OPCML: variants seen among roughly 807,000 people sequenced by gnomAD.
OPCML encodes the protein opioid binding protein/cell adhesion molecule like.
In OPCML, 13 loss-of-function variants were observed where a neutral mutation model predicts 37.8. That is an observed-to-expected ratio of 0.34 (90% CI 0.22 to 0.55). The LOEUF (loss-of-function observed/expected upper bound fraction) is 0.55. OPCML is among the 20% of genes least tolerant of loss of function. The probability of loss-of-function intolerance (pLI) is 0.91; values close to 1 mark genes in which losing one functional copy is unlikely to be tolerated. For synonymous variants in OPCML, 176 were observed against 168.8 expected (o/e 1.04, Z -0.33); for missense variants, 341 against 435.6 (o/e 0.78, Z 1.93).
intron 4 of OPCML, among the ~76,000 whole-genome samples, chr11:132,450,758 C>A (rs1359595684): frequency 6.6e-6 from 1 of 152,068 alleles, no homozygotes; most frequent in African/African-American, 2.4e-5. Context: ...CCTTCCTCAC[C>A]ATTGAGGAAG....
intron 3 of OPCML, among the ~76,000 whole-genome samples, chr11:132,600,519 T>C (rs1411785509): frequency 1.3e-5 from 2 of 152,184 alleles, no homozygotes; most frequent in African/African-American, 2.4e-5. Context: ...TGCAACAAAT[T>C]TGTCTTCCAA....
At chr11:133,241,604 C>T (rs566069268) in intron 1 of OPCML, among the ~76,000 whole-genome samples, 3 of 152,338 alleles carry the variant, frequency 2.0e-5, no homozygotes, top group South Asian at 2.1e-4. Context: ...AACTAGCCTT[C>T]GCTCACATTT....
intron 1 of OPCML, among the ~76,000 whole-genome samples, chr11:133,270,600 T>C (rs994561475): frequency 6.6e-6 from 1 of 152,214 alleles, no homozygotes; most frequent in African/African-American, 2.4e-5. Context: ...CAATTTCTTG[T>C]TCAATTCAAC....
At chr11:132,628,513 C>T (rs1396735856) in intron 3 of OPCML, among the ~76,000 whole-genome samples, 2 of 152,212 alleles carry the variant, frequency 1.3e-5, no homozygotes, top group South Asian at 2.1e-4. Flanking sequence ...TAGGAAAGGA[C>T]TCACCTGTAA....
At chr11:133,531,737 T>C (rs1005198711) in intron 1 of OPCML, among the ~76,000 whole-genome samples, 2 of 90,132 alleles carry the variant, frequency 2.2e-5, no homozygotes, top group African/African-American at 8.8e-5. Context: ...TGGGGAGAGG[T>C]GGAGAGGGAG....
At chr11:133,484,786 T>C (rs1364343423) in intron 1 of OPCML, among the ~76,000 whole-genome samples, 1 of 152,122 alleles carries the variant, frequency 6.6e-6, no homozygotes, top group East Asian at 1.9e-4. Flanking sequence ...CTATCAAAGA[T>C]TTATCAATGA....
chr11:133,061,753 T>C (rs543366316), intron 1 of OPCML, among the ~76,000 whole-genome samples: 7 of 152,364 alleles, frequency 4.6e-5, no homozygotes, highest in Admixed American at 4.6e-4. Flanking sequence ...TTTATTTTAA[T>C]GTGCTATGCA....
At position 133,418,196 on chromosome 11, in the gene OPCML, G is replaced by A. The variant is rs1207206523; in HGVS notation, c.61+114068C>T. 12 of 985,236 alleles carry A rather than the reference G, an allele frequency of 1.2e-5. No individual in the cohort carries two copies. The South Asian group carries it at 5.2e-4, about 42-fold the overall frequency. 61.0% of individuals were successfully genotyped at this position (985,236 alleles called of 1,614,324 possible). On this transcript the variant is annotated intron_variant, in intron 1 of 7. Transcript: ENST00000524381. ...GCCTGTCTGCCATGGCAGGGTCTTC[G>A]GGTTTCCACCTGATAGGTGTGGTGA...
At chr11:132,674,139 A>G (rs2135826571) in intron 2 of OPCML, among the ~76,000 whole-genome samples, 1 of 152,344 alleles carries the variant, frequency 6.6e-6, no homozygotes, top group Non-Finnish European at 1.5e-5. Flanking sequence ...GTGGCTAATT[A>G]AGAACAAAGC....
intron 2 of OPCML, among the ~76,000 whole-genome samples, chr11:132,766,919 TTAACA>T (rs1458655434): frequency 6.6e-6 from 1 of 152,232 alleles, no homozygotes; most frequent in Non-Finnish European, 1.5e-5. Context: ...TATCTTGTTC[TTAACA>T]TAAACACATG....
chr11:133,347,829 G>C (rs1260015500), intron 1 of OPCML, among the ~76,000 whole-genome samples: 1 of 152,144 alleles, frequency 6.6e-6, no homozygotes, highest in Non-Finnish European at 1.5e-5. Context: ...GATGAGACAA[G>C]AAAGAATGAT....
In OPCML at chr11:132,420,161, C is replaced by A. The variant is rs759712513; in HGVS notation, c.*32G>T. 2.5e-6 allele frequency: 4 copies of A among 1,589,560 alleles called. No homozygotes were observed. Among genetic ancestry groups the A allele is most frequent in the East Asian group, 4.5e-5 (2 of 44,672 alleles). On this transcript the variant is annotated 3_prime_UTR_variant, in exon 8 of 8. Coordinates refer to ENST00000524381, the MANE Select transcript of OPCML (RefSeq NM_001012393.5). ...GATTAAAGTCTGTGATATGGAGAAGCAGGCGTTGCTCAGAGGACCTAGGAT... is the reference window on the plus strand; with the variant it reads ...GATTAAAGTCTGTGATATGGAGAAGAAGGCGTTGCTCAGAGGACCTAGGAT...
chr11:133,246,161 C>A (rs1940917954), intron 1 of OPCML, among the ~76,000 whole-genome samples: 1 of 152,122 alleles, frequency 6.6e-6, no homozygotes, highest in Non-Finnish European at 1.5e-5. Flanking sequence ...GGGAAAGGAG[C>A]CCACTTGTTT....
intron 1 of OPCML, among the ~76,000 whole-genome samples, chr11:133,107,126 G>A (rs902337859): frequency 6.6e-6 from 1 of 152,210 alleles, no homozygotes; most frequent in African/African-American, 2.4e-5. Flanking sequence ...CATCCAAGAG[G>A]AAGATTGTGC....
chr11:132,787,543 G>A (rs999919899), intron 2 of OPCML, among the ~76,000 whole-genome samples: 4 of 151,982 alleles, frequency 2.6e-5, no homozygotes, highest in African/African-American at 9.7e-5. Context: ...TTATTGTGAG[G>A]ATCAGGTCTG....
At chr11:132,680,866 C>T (rs987363865) in intron 2 of OPCML, among the ~76,000 whole-genome samples, 1 of 152,164 alleles carries the variant, frequency 6.6e-6, no homozygotes, top group Admixed American at 6.5e-5. Flanking sequence ...CAGCAGAAGA[C>T]GCCTGTTGCC....
At chr11:133,005,321 G>C in intron 1 of OPCML, 3 of 985,382 alleles carry the variant, frequency 3.0e-6, no homozygotes, top group Non-Finnish European at 3.6e-6. Flanking sequence ...CCCCCACATT[G>C]CTTGGAAGTA....
chr11:133,363,633 C>G (rs1201049750), intron 1 of OPCML, among the ~76,000 whole-genome samples: 1 of 152,134 alleles, frequency 6.6e-6, no homozygotes, highest in African/African-American at 2.4e-5. Flanking sequence ...CGTGTGTTCT[C>G]GCACCTGCAT....
At chr11:132,529,343 T>G in intron 3 of OPCML, 157 bp from the exon 4 acceptor site, 1 of 378,648 alleles carries the variant, frequency 2.6e-6, no homozygotes, top group Non-Finnish European at 3.6e-6. Flanking sequence ...TATGGCCATA[T>G]ACATTTACCT....
Sources: allele counts gnomAD v4.1 joint callset (sites outside exome capture counted in the v4.1 genomes callset), GRCh38; gene constraint gnomAD v4.1.1; transcripts MANE v1.5; gene names NCBI Gene and HGNC (gene_info 2026-07-23, HGNC 2026-07-21).